The following C10orf71 variants were observed in gnomAD, a reference collection of about 807,000 sequenced individuals.
The protein encoded by C10orf71 is cardiac-enriched FHL2-interacting protein.
For missense variants in C10orf71, 1,869 were observed against 1,804.5 expected (o/e 1.04, Z -0.65); for synonymous variants, 758 against 726.3 (o/e 1.04, Z -0.70).
At position 49,326,207 on chromosome 10, in the gene C10orf71, C is replaced by T; in HGVS notation, c.3662C>T (p.Pro1221Leu). Residue 1221 changes from proline to leucine, a missense_variant, in exon 3 of 3, where the codon CCG becomes CTG. Pro to Leu is a moderately conservative substitution (Grantham distance 98). Transcript: ENST00000374144. Reference sequence around the variant, plus strand: ...GACTTGGAGCAGACACAGCAAAGGCCGCTGTGCCCCAGAGAGAGGCCCCGA... The same window carrying T: ...GACTTGGAGCAGACACAGCAAAGGCTGCTGTGCCCCAGAGAGAGGCCCCGA... ...PEDLEQTQQR[P>L]LCPRERPRHN... 1.9e-6 allele frequency: 3 copies of T among 1,551,258 alleles called. No homozygotes were observed. Among genetic ancestry groups the T allele is most frequent in the Non-Finnish European group, 2.6e-6 (3 of 1,146,948 alleles).
At position 49,323,681 on chromosome 10, in the gene C10orf71, C is replaced by T. The variant is rs1267557931; in HGVS notation, c.1136C>T (p.Pro379Leu). The T allele has an allele frequency of 8.7e-6, 14 of 1,613,538 alleles. No individual in the cohort carries two copies. The East Asian group carries it at 1.3e-4, about 15-fold the overall frequency. ...QPDSQEKPAQ[P>L]PWRKPKTGKK... Reference sequence around the variant, plus strand: ...GATTCTCAAGAGAAGCCAGCCCAGCCCCCATGGAGGAAGCCAAAGACTGGC... The same window carrying T: ...GATTCTCAAGAGAAGCCAGCCCAGCTCCCATGGAGGAAGCCAAAGACTGGC... Residue 379 changes from proline to leucine, a missense_variant, in exon 3 of 3, where the codon CCC (proline) becomes CTC (leucine). Physicochemically the swap from Pro to Leu is moderately conservative, Grantham distance 98. Transcript: ENST00000374144.
chr10:49,310,936 G>T (rs1482163449), intron 1 of C10orf71, among the ~76,000 whole-genome samples: 2 of 152,134 alleles, frequency 1.3e-5, no homozygotes, highest in Non-Finnish European at 2.9e-5. Context: ...CACTAAAAAA[G>T]TATTTATTGT....
chr10:49,297,842 G>A (rs911890602), upstream of C10orf71, among the ~76,000 whole-genome samples: 1 of 152,226 alleles, frequency 6.6e-6, no homozygotes, highest in African/African-American at 2.4e-5. Context: ...AGGGAGGTGG[G>A]TGGGTAAAAT....
At chr10:49,301,251 C>T (rs1359761883) in intron 1 of C10orf71, among the ~76,000 whole-genome samples, 1 of 152,200 alleles carries the variant, frequency 6.6e-6, no homozygotes, top group African/African-American at 2.4e-5. Flanking sequence ...AGGGCTGCTG[C>T]TCCCCAACAG....
chr10:49,326,679 C>T lies in C10orf71; in HGVS notation c.4134C>T (p.His1378=). The T allele has an allele frequency of 6.4e-7, 1 of 1,550,928 alleles. No homozygotes were observed. ...CCCGCGCCAGGACCCAGAGTGTCCACGAGTCTGGACTACAGCTGGACCCAG... is the reference window on the plus strand; with the variant it reads ...CCCGCGCCAGGACCCAGAGTGTCCATGAGTCTGGACTACAGCTGGACCCAG... ...SAARARTQSV[H]ESGLQLDPGP... is the part of the protein sequence containing the mutation. The change falls in exon 3 of 3, where the codon CAC becomes CAT. Residue 1378 remains histidine, a synonymous_variant. Coordinates refer to ENST00000374144, the MANE Select transcript of C10orf71 (RefSeq NM_001135196.2).
chr10:49,306,140 G>T (rs1848809030), intron 1 of C10orf71, among the ~76,000 whole-genome samples: 1 of 152,244 alleles, frequency 6.6e-6, no homozygotes, highest in Non-Finnish European at 1.5e-5. Flanking sequence ...GGGCTGCAAT[G>T]GTCAGGGCCT....
chr10:49,319,122 T>A (rs910116824), intron 2 of C10orf71, among the ~76,000 whole-genome samples: 1 of 152,190 alleles, frequency 6.6e-6, no homozygotes, highest in African/African-American at 2.4e-5. Context: ...CAGACACCCC[T>A]CACTTGCATC....
intron 1 of C10orf71, among the ~76,000 whole-genome samples, chr10:49,314,917 T>A (rs1017393334): frequency 1.3e-5 from 2 of 152,196 alleles, no homozygotes; most frequent in African/African-American, 4.8e-5. Flanking sequence ...GTGACTGAGC[T>A]TCCATTTATT....
At position 49,324,659 on chromosome 10, in the gene C10orf71, AGGAG is replaced by A; in HGVS notation, c.2116_2119del (p.Glu706LysfsTer54). ...TTCTTCCCAGGGCCCCTCTCTCCTG[AGGAG>A]GAAGATGTGTTTTACAGTGACAGCC... On this transcript the variant is annotated frameshift_variant, in exon 3 of 3. Transcript: ENST00000374144. LOFTEE classifies it low-confidence loss of function (END_TRUNC). The A allele has an allele frequency of 6.2e-7, 1 of 1,613,170 alleles. No homozygotes were observed. Among genetic ancestry groups the A allele is most frequent in the African/African-American group, 1.3e-5 (1 of 75,026 alleles).
chr10:49,316,984 A>G (rs1276457579), intron 2 of C10orf71, among the ~76,000 whole-genome samples: 1 of 152,238 alleles, frequency 6.6e-6, no homozygotes, highest in Non-Finnish European at 1.5e-5. Flanking sequence ...TTAATTGGGT[A>G]GAGACTGCTT....
chr10:49,318,777 G>A (rs1376412636), intron 2 of C10orf71, among the ~76,000 whole-genome samples: 2 of 152,210 alleles, frequency 1.3e-5, no homozygotes, highest in African/African-American at 4.8e-5. Context: ...GAGGACACAT[G>A]ATCCCCACTC....
Position 49,322,459 on chromosome 10 carries a change from T to G in C10orf71, c.-87T>G. Reference sequence around the variant, plus strand: ...TCTGGTCAATGAGAGGCTCTAGTTTTGGGGAAGAGGGAAACACCTAACCTT... The same window carrying G: ...TCTGGTCAATGAGAGGCTCTAGTTTGGGGGAAGAGGGAAACACCTAACCTT... On this transcript the variant is annotated 5_prime_UTR_variant, in exon 3 of 3. Transcript: ENST00000374144. 1 of 1,431,582 alleles carries G rather than the reference T, an allele frequency of 7.0e-7. No homozygotes were observed. The highest frequency in any genetic ancestry group is 1.5e-5 in the South Asian group (1 of 66,322). The allele number at this position is 1,431,582 out of a possible 1,614,324, so 88.7% of individuals were successfully genotyped here.
At chr10:49,301,319 ATT>A (rs1310871530) in intron 1 of C10orf71, among the ~76,000 whole-genome samples, 1 of 152,208 alleles carries the variant, frequency 6.6e-6, no homozygotes, top group African/African-American at 2.4e-5. Context: ...TTTAAACCTC[ATT>A]TCACAAAATC....
chr10:49,315,137 G>A (rs887677962), intron 1 of C10orf71, among the ~76,000 whole-genome samples: 4 of 152,136 alleles, frequency 2.6e-5, no homozygotes, highest in African/African-American at 4.8e-5. Context: ...ATGGGGCCTC[G>A]CCGTATGGTG....
intron 1 of C10orf71, among the ~76,000 whole-genome samples, chr10:49,305,723 G>A (rs982832007): frequency 3.3e-5 from 5 of 152,198 alleles, no homozygotes; most frequent in African/African-American, 1.2e-4. Context: ...CCACTGTTTG[G>A]GCCTTGGGTC....
chr10:49,300,571 G>A (rs1848711328), intron 1 of C10orf71, among the ~76,000 whole-genome samples: 1 of 151,996 alleles, frequency 6.6e-6, no homozygotes, highest in Non-Finnish European at 1.5e-5. Flanking sequence ...GCACCTTCCA[G>A]GGCCCACTTT....
At chr10:49,321,316 T>C (rs1208238532) in intron 2 of C10orf71, among the ~76,000 whole-genome samples, 2 of 152,322 alleles carry the variant, frequency 1.3e-5, no homozygotes, top group East Asian at 1.9e-4. Flanking sequence ...CAATCAGTGT[T>C]TGTCTTTCTG....
At chr10:49,299,669 C>T (rs1395109561) in intron 1 of C10orf71, among the ~76,000 whole-genome samples, 1 of 152,162 alleles carries the variant, frequency 6.6e-6, no homozygotes, top group African/African-American at 2.4e-5. Flanking sequence ...TACCCGGAAC[C>T]GTGTACATGT....
intron 1 of C10orf71, among the ~76,000 whole-genome samples, chr10:49,314,858 G>GA (rs1376763871): frequency 6.6e-6 from 1 of 151,956 alleles, no homozygotes; most frequent in Non-Finnish European, 1.5e-5. Context: ...TGCCCTCCAG[G>GA]AAAAAAATCA....
Sources: gnomAD v4.1 joint callset for allele counts (sites outside exome capture counted in the v4.1 genomes callset) on GRCh38, gnomAD v4.1.1 for gene constraint, MANE v1.5 for transcripts, NCBI Gene and HGNC (gene_info 2026-07-23, HGNC 2026-07-21) for gene names.